The following CD33 variants were observed in gnomAD, a reference collection of about 807,000 sequenced individuals.
CD33 encodes myeloid cell surface antigen CD33.
A neutral mutation model predicts 31.4 loss-of-function variants in CD33; 25 were observed. That is an observed-to-expected ratio of 0.80 (90% CI 0.58 to 1.11). The LOEUF (loss-of-function observed/expected upper bound fraction) is 1.11, where lower values mean the gene tolerates loss of function less well. CD33 is among the 50% of genes most tolerant of loss of function. CD33 has a pLI of 0.00. For synonymous variants in CD33, 176 were observed against 180.6 expected (o/e 0.97, Z 0.20); for missense variants, 407 against 448.1 (o/e 0.91, Z 0.83).
upstream of CD33, among the ~76,000 whole-genome samples, chr19:51,223,678 AAAG>A (rs1980797541): frequency 6.6e-6 from 1 of 152,216 alleles, no homozygotes; most frequent in Non-Finnish European, 1.5e-5. Context: ...CATGAATGGA[AAAG>A]AAGTTTTTTC....
the CD33 span, chr19:51,211,650 T>A: frequency 8.1e-7 from 1 of 1,227,842 alleles, no homozygotes; most frequent in East Asian, 2.4e-5. Context: ...GGACAGGGCT[T>A]GGGATGGGAC....
the CD33 span, among the ~76,000 whole-genome samples, chr19:51,219,556 A>G: frequency 6.6e-5 from 10 of 152,158 alleles, no homozygotes; most frequent in Non-Finnish European, 1.5e-4. Flanking sequence ...GACTTTCAGT[A>G]TCAGGTTGAA....
Position 51,235,197 on chromosome 19 carries a change from T to C in CD33, c.786T>C (p.Ile262=). The change falls in exon 5 of 7, where the codon ATT becomes ATC. Residue 262 remains isoleucine, a synonymous_variant. Transcript: ENST00000262262. ...ETRAGVVHGA[I]GGAGVTALLA... ...GAGCAGGAGTGGTTCATGGGGCCAT[T>C]GGAGGAGCTGGTGTTACAGCCCTGC... The C allele has an allele frequency of 1.2e-6, 2 of 1,614,164 alleles. No homozygotes were observed. Among genetic ancestry groups the C allele is most frequent in the African/African-American group, 2.7e-5 (2 of 75,046 alleles).
At chr19:51,211,253 C>T in the CD33 span, 1 of 1,571,932 alleles carries the variant, frequency 6.4e-7, no homozygotes. Context: ...GTGCAGGAGT[C>T]AGTGACGGTA....
intron 4 of CD33, among the ~76,000 whole-genome samples, chr19:51,226,810 C>T (rs1456057346): frequency 1.3e-5 from 2 of 151,760 alleles, no homozygotes; most frequent in African/African-American, 4.8e-5. Context: ...AACACCAGAA[C>T]TTATTCTTCC....
intron 6 of CD33, chr19:51,237,241 C>G (rs1052155509): frequency 6.6e-6 from 1 of 152,204 alleles, no homozygotes; most frequent in African/African-American, 2.4e-5. Flanking sequence ...AGCACCCATT[C>G]ATTCTGAAAT....
At chr19:51,211,112 C>T in the CD33 span, 6 of 1,582,664 alleles carry the variant, frequency 3.8e-6, no homozygotes, top group Non-Finnish European at 5.2e-6. Context: ...CTCAGACATG[C>T]CACTGCTGCT....
upstream of CD33, among the ~76,000 whole-genome samples, chr19:51,224,012 A>G (rs1460576977): frequency 6.6e-6 from 1 of 152,190 alleles, no homozygotes; most frequent in Non-Finnish European, 1.5e-5. Flanking sequence ...GGCTCACTGT[A>G]AGAATTAAAG....
the CD33 span, among the ~76,000 whole-genome samples, chr19:51,214,201 C>T: frequency 9.9e-4 from 97 of 97,856 alleles, no homozygotes; most frequent in Middle Eastern, 0.016. Flanking sequence ...TCTTTTCTTT[C>T]TTTTTTTTTT....
At chr19:51,232,936 G>C (rs974641741) in intron 4 of CD33, among the ~76,000 whole-genome samples, 3 of 152,206 alleles carry the variant, frequency 2.0e-5, no homozygotes, top group Non-Finnish European at 2.9e-5. Context: ...TTTTTGCCAG[G>C]AGTAGCACTC....
the CD33 span, among the ~76,000 whole-genome samples, chr19:51,216,221 CGAGTGTGTGTGTGTGTGTGT>C: frequency 5.0e-5 from 7 of 140,674 alleles, no homozygotes; most frequent in African/African-American, 1.1e-4. Flanking sequence ...AAATGTCACC[CGAGTGTGTGTGTGTGTGTGT>C]GTGTGTGTGT....
At chr19:51,230,995 G>A (rs1347651144) in intron 4 of CD33, among the ~76,000 whole-genome samples, 1 of 152,176 alleles carries the variant, frequency 6.6e-6, no homozygotes, top group Non-Finnish European at 1.5e-5. Context: ...AGGGCTCTGG[G>A]CATAAAACCC....
chr19:51,213,655 G>A, the CD33 span, among the ~76,000 whole-genome samples: 1 of 151,270 alleles, frequency 6.6e-6, no homozygotes, highest in Non-Finnish European at 1.5e-5. Context: ...TCGTGCCTCA[G>A]CCTCGCAAGT....
upstream of CD33, among the ~76,000 whole-genome samples, chr19:51,224,910 G>C (rs955176550): frequency 1.3e-5 from 2 of 152,174 alleles, no homozygotes; most frequent in African/African-American, 4.8e-5. Flanking sequence ...TCCCATCTCT[G>C]GGCGGGTCTC....
intron 4 of CD33, among the ~76,000 whole-genome samples, chr19:51,231,077 T>C (rs1030334340): frequency 3.9e-5 from 6 of 152,230 alleles, no homozygotes; most frequent in Non-Finnish European, 8.8e-5. Context: ...ATAAATTGAT[T>C]GTATCTTGAG....
chr19:51,236,249 A>T (rs558432483), intron 6 of CD33: 35 of 204,674 alleles, frequency 1.7e-4, no homozygotes, highest in African/African-American at 5.5e-4. Context: ...AGGGTCAGTC[A>T]GGAAGCAGAG....
the CD33 span, among the ~76,000 whole-genome samples, chr19:51,217,892 G>T: frequency 1.3e-5 from 2 of 152,136 alleles, no homozygotes; most frequent in African/African-American, 4.8e-5. Flanking sequence ...TTCATGGCTG[G>T]GTAGTATTCC....
At chr19:51,236,027 T>A (rs542074021) in intron 6 of CD33, 19 of 562,158 alleles carry the variant, frequency 3.4e-5, no homozygotes, top group Non-Finnish European at 3.5e-5. Context: ...ATGTGGTGGC[T>A]GGCGCCTGTA....
intron 4 of CD33, among the ~76,000 whole-genome samples, chr19:51,234,768 G>A (rs755491358): frequency 6.6e-6 from 1 of 152,160 alleles, no homozygotes; most frequent in Non-Finnish European, 1.5e-5. Context: ...GACCCTAAGT[G>A]ATGGGGCCAG....
Sources: allele counts gnomAD v4.1 joint callset (sites outside exome capture counted in the v4.1 genomes callset), GRCh38; gene constraint gnomAD v4.1.1; transcripts MANE v1.5; gene names NCBI Gene and HGNC (gene_info 2026-07-23, HGNC 2026-07-21).